The following DPYSL2 variants were observed in gnomAD, a reference collection of about 807,000 sequenced individuals.
DPYSL2 encodes the protein dihydropyrimidinase-related protein 2.
In DPYSL2, 13 loss-of-function variants were observed where a neutral mutation model predicts 69.9. That is an observed-to-expected ratio of 0.19 (90% CI 0.12 to 0.30). DPYSL2 has a LOEUF of 0.30. DPYSL2 is among the 10% of genes least tolerant of loss of function. DPYSL2 has a pLI of 1.00. For missense variants in DPYSL2, 587 were observed against 918.9 expected (o/e 0.64, Z 4.67); for synonymous variants, 326 against 359.1 (o/e 0.91, Z 1.04).
chr8:26,544,148 C>T (rs993295441), intron 1 of DPYSL2, among the ~76,000 whole-genome samples: 3 of 152,212 alleles, frequency 2.0e-5, no homozygotes, highest in Non-Finnish European at 2.9e-5. Context: ...CTGGCGACCT[C>T]TTTAACATCT....
intron 1 of DPYSL2, among the ~76,000 whole-genome samples, chr8:26,556,011 T>C (rs1242431227): frequency 1.3e-5 from 1 of 74,616 alleles, no homozygotes; most frequent in Non-Finnish European, 2.2e-5. Flanking sequence ...GTATATATTA[T>C]ATATATAAAT....
At chr8:26,632,761 C>T (rs1018051492) in intron 7 of DPYSL2, among the ~76,000 whole-genome samples, 4 of 152,228 alleles carry the variant, frequency 2.6e-5, no homozygotes, top group Admixed American at 6.5e-5. Context: ...CCATGCAAGA[C>T]GTCCCTGTCC....
chr8:26,575,733 A>G (rs1375098063), intron 1 of DPYSL2, among the ~76,000 whole-genome samples: 1 of 152,200 alleles, frequency 6.6e-6, no homozygotes, highest in African/African-American at 2.4e-5. Context: ...ATATATTTAA[A>G]CCCATTACGC....
At position 26,627,046 on chromosome 8, in the gene DPYSL2, A is replaced by G. The variant is rs145817868; in HGVS notation, c.856-169A>G. Reference sequence around the variant, plus strand: ...ATTTCTGAGGGGTCTTTCTCCATCAAATGTGGCCAGTAACATTGCCCTCAT... The same window carrying G: ...ATTTCTGAGGGGTCTTTCTCCATCAGATGTGGCCAGTAACATTGCCCTCAT... On this transcript the variant is annotated intron_variant, in intron 5 of 13. Transcript: ENST00000521913. This position sits in a 1 kb window ranked among gnomAD's most constrained non-coding sequence, Gnocchi z 6.9. Among the ~76,000 whole-genome samples the G allele has an allele frequency of 2.4e-3, 358 of 152,294 alleles. 7 individuals are homozygous for G. The highest frequency in any genetic ancestry group is 0.02 in the Admixed American group (307 of 15,298).
At chr8:26,518,733 G>A (rs760247498) in intron 1 of DPYSL2, among the ~76,000 whole-genome samples, 1 of 152,170 alleles carries the variant, frequency 6.6e-6, no homozygotes, top group Non-Finnish European at 1.5e-5. Context: ...ACTTTACTTA[G>A]CATAATGCCC....
chr8:26,578,556 T>C, intron 1 of DPYSL2: 1 of 1,375,202 alleles, frequency 7.3e-7, no homozygotes, highest in Non-Finnish European at 9.4e-7. Context: ...ACCCGGTCTA[T>C]CTTTTATTGT....
At chr8:26,632,748 C>A (rs1377724097) in intron 7 of DPYSL2, among the ~76,000 whole-genome samples, 1 of 152,238 alleles carries the variant, frequency 6.6e-6, no homozygotes, top group Non-Finnish European at 1.5e-5. Flanking sequence ...TCACACTTCA[C>A]ACCCATGCAA....
intron 1 of DPYSL2, among the ~76,000 whole-genome samples, chr8:26,569,881 G>A (rs1472641299): frequency 1.3e-5 from 2 of 152,174 alleles, no homozygotes; most frequent in Admixed American, 6.5e-5. Flanking sequence ...GCTTGGGGAC[G>A]TAACACAGGA....
chr8:26,613,442 CTA>C (rs1463035714), intron 3 of DPYSL2, among the ~76,000 whole-genome samples: 1 of 152,210 alleles, frequency 6.6e-6, no homozygotes, highest in Non-Finnish European at 1.5e-5. Flanking sequence ...GGTGCCCACT[CTA>C]GGCTTCAGGA....
chr8:26,582,105 T>A lies in DPYSL2; in HGVS notation c.443+48T>A, dbSNP rs376843343. On this transcript the variant is annotated intron_variant, in intron 2 of 13. Transcript: ENST00000521913. This position sits in a 1 kb window ranked among gnomAD's most constrained non-coding sequence, Gnocchi z 4.1. ...AGATGTATTTGAACACTTTCCAGACTTCCCAAGTATTAGATACCATTCGCA... is the reference window on the plus strand; with the variant it reads ...AGATGTATTTGAACACTTTCCAGACATCCCAAGTATTAGATACCATTCGCA... 5.7e-5 allele frequency: 83 copies of A among 1,468,598 alleles called. No homozygotes were observed. The African/African-American group carries it at 9.6e-4, about 17-fold the overall frequency. The allele number at this position is 1,468,598 out of a possible 1,614,324, so 91.0% of individuals were successfully genotyped here. A position where few individuals can be genotyped will look rare whatever the true frequency, so the allele number is the denominator to read the frequency against.
chr8:26,548,223 G>A (rs961085574), intron 1 of DPYSL2: 4 of 228,622 alleles, frequency 1.7e-5, no homozygotes, highest in African/African-American at 6.9e-5. Context: ...AGGCCTCCAA[G>A]GAAATTCATG....
At chr8:26,529,295 CTATCTATCATCT>C (rs1367100408) in intron 1 of DPYSL2, among the ~76,000 whole-genome samples, 7 of 146,252 alleles carry the variant, frequency 4.8e-5, no homozygotes, top group Non-Finnish European at 7.6e-5. Flanking sequence ...ATCTATCTAT[CTATCTATCATCT>C]ATCTATCTAT....
chr8:26,545,038 G>C (rs1184939052), intron 1 of DPYSL2, among the ~76,000 whole-genome samples: 1 of 152,144 alleles, frequency 6.6e-6, no homozygotes, highest in Non-Finnish European at 1.5e-5. Context: ...CTGAGGACAG[G>C]AATTGACAGC....
Position 26,648,189 on chromosome 8 carries a change from C to G in DPYSL2, c.1596+389C>G, listed in dbSNP as rs1275058772. Among the ~76,000 whole-genome samples, 2 of 152,130 alleles carry G rather than the reference C, an allele frequency of 1.3e-5. No homozygotes were observed. The highest frequency in any genetic ancestry group is 1.3e-4 in the Admixed American group (2 of 15,276). On this transcript the variant is annotated intron_variant, in intron 11 of 13. Transcript: ENST00000521913. The surrounding 1 kb of genome is among the most constrained non-coding windows in gnomAD (Gnocchi z 4.3). ...CAGTGAGATGTCCTCTCCTGAGATG[C>G]CCACTGGGGACTTTGATCCTCTTAA...
At chr8:26,578,343 C>A (rs1339280263) in intron 1 of DPYSL2, 1 of 1,611,668 alleles carries the variant, frequency 6.2e-7, no homozygotes, top group African/African-American at 1.3e-5. Flanking sequence ...CCTTTTGTAG[C>A]ACAGAAGGTC....
At chr8:26,636,816 C>T (rs536830209) in intron 8 of DPYSL2, among the ~76,000 whole-genome samples, 2 of 152,300 alleles carry the variant, frequency 1.3e-5, no homozygotes, top group African/African-American at 4.8e-5. Context: ...TCTCAGCTCA[C>T]TGCAGTCTCC....
intron 4 of DPYSL2, among the ~76,000 whole-genome samples, chr8:26,625,623 C>T (rs572026431): frequency 3.3e-5 from 5 of 152,228 alleles, no homozygotes; most frequent in Admixed American, 6.5e-5. Flanking sequence ...ATGAGAATTG[C>T]GACATCTGCT....
intron 1 of DPYSL2, among the ~76,000 whole-genome samples, chr8:26,551,499 A>G (rs1800873804): frequency 6.6e-6 from 1 of 152,206 alleles, no homozygotes; most frequent in Non-Finnish European, 1.5e-5. Context: ...ATAGACTTCA[A>G]CACCCCTCTG....
In DPYSL2 at chr8:26,577,769, C is replaced by T. The variant is rs937341703; in HGVS notation, c.355-4200C>T. ...GCGCCGCCTGCCGCCCCCGGCCGTT[C>T]ACTGCCGCATTTCGCGCTCTCGCGC... On this transcript the variant is annotated intron_variant, in intron 1 of 13. Transcript: ENST00000521913. 5.1e-6 allele frequency: 5 copies of T among 983,996 alleles called. No homozygotes were observed. The African/African-American group carries it at 8.8e-5, about 17-fold the overall frequency. 61.0% of individuals were successfully genotyped at this position (983,996 alleles called of 1,614,324 possible). A position where few individuals can be genotyped will look rare whatever the true frequency, so the allele number is the denominator to read the frequency against.
Sources: allele counts gnomAD v4.1 joint callset (sites outside exome capture counted in the v4.1 genomes callset), GRCh38; gene constraint gnomAD v4.1.1; non-coding constraint Gnocchi (gnomAD v3.1); transcripts MANE v1.5; gene names NCBI Gene and HGNC (gene_info 2026-07-23, HGNC 2026-07-21).